MCMBP: variants seen among roughly 807,000 people sequenced by gnomAD.
The protein encoded by MCMBP is mini-chromosome maintenance complex-binding protein.
In MCMBP, 31 loss-of-function variants were observed where a neutral mutation model predicts 81.3. The ratio of observed to expected loss-of-function variants is 0.38; its 90% CI spans 0.29 to 0.51. The LOEUF is 0.51. MCMBP is among the 20% of genes least tolerant of loss of function. MCMBP has a pLI of 0.87. For missense variants in MCMBP, 645 were observed against 772.1 expected (o/e 0.84, Z 1.95); for synonymous variants, 267 against 275.9 (o/e 0.97, Z 0.32).
At chr10:119,859,259 TC>T in intron 2 of MCMBP, 78 bp from the exon 3 acceptor site, 1 of 1,337,528 alleles carries the variant, frequency 7.5e-7, no homozygotes, top group Non-Finnish European at 1.0e-6. Flanking sequence ...AAACTTTATA[TC>T]CAGACTCAAA....
At chr10:119,858,852 A>C in intron 4 of MCMBP, 32 bp downstream of exon 4, 1 of 1,497,534 alleles carries the variant, frequency 6.7e-7, no homozygotes, top group Non-Finnish European at 9.1e-7. Context: ...AATTCTTACT[A>C]AAAATGTTTC....
chr10:119,847,834 A>G lies in MCMBP; in HGVS notation c.727-121T>C, dbSNP rs1852671070. 5.9e-5 allele frequency: 29 copies of G among 492,568 alleles called. 1 individual carries two copies. The South Asian group carries it at 1.1e-3, about 18-fold the overall frequency. The allele number at this position is 492,568 out of a possible 1,614,324, so 30.5% of individuals were successfully genotyped here. ...AAACAGACCTTAAAGCAAGTCCTTTATTTTATAAATTTTTATAAATTGAGA... is the reference window on the plus strand; with the variant it reads ...AAACAGACCTTAAAGCAAGTCCTTTGTTTTATAAATTTTTATAAATTGAGA... On this transcript the variant is annotated intron_variant, in intron 7 of 15. Transcript: ENST00000369077.
At chr10:119,838,192 A>G (rs1852313266) in intron 12 of MCMBP, among the ~76,000 whole-genome samples, 1 of 150,042 alleles carries the variant, frequency 6.7e-6, no homozygotes, top group Non-Finnish European at 1.5e-5. Flanking sequence ...TTATACTAAT[A>G]CTACCCTTTA....
intron 9 of MCMBP, 152 bp from the exon 10 acceptor site, chr10:119,842,747 A>AT (rs1682478418): frequency 1.2e-6 from 1 of 840,654 alleles, no homozygotes; most frequent in African/African-American, 1.7e-5. Flanking sequence ...AATCTTAAAA[A>AT]TAAGGCAGTT....
rs1341070179 is a variant in MCMBP at position 119,835,653 on chromosome 10, C to T, written c.1594G>A (p.Glu532Lys). 1 of 1,614,216 alleles carries T rather than the reference C, an allele frequency of 6.2e-7. No individual in the cohort carries two copies. Among genetic ancestry groups the T allele is most frequent in the South Asian group, 1.1e-5 (1 of 91,090 alleles). The change falls in exon 14 of 16, where the codon GAG (glutamate) becomes AAG (lysine). Residue 532 changes from glutamate (E) to lysine (K), a missense_variant. By Grantham distance (56) the Glu-to-Lys change is moderately conservative. Coordinates refer to ENST00000369077, the MANE Select transcript of MCMBP (RefSeq NM_001256378.2). ...QPQLIPPNMEEYMNSLLSAVL... is the reference protein window; with the variant it reads ...QPQLIPPNMEKYMNSLLSAVL... ...GCTGAGAGAAGGCTGTTCATGTACT[C>T]CTCCATGTTTGGTGGAATTAGCTGG...
intron 1 of MCMBP, among the ~76,000 whole-genome samples, chr10:119,865,545 A>G (rs1387826710): frequency 6.6e-6 from 1 of 152,136 alleles, no homozygotes; most frequent in East Asian, 1.9e-4. Flanking sequence ...CCACTGTGGA[A>G]AAGTTTGGCA....
chr10:119,837,310 G>A (rs779281145), intron 12 of MCMBP, among the ~76,000 whole-genome samples: 22 of 152,088 alleles, frequency 1.4e-4, no homozygotes, highest in Non-Finnish European at 2.8e-4. Flanking sequence ...TTATTTCTAA[G>A]TGGTGTATTT....
At chr10:119,838,725 A>G in intron 11 of MCMBP, 25 bp from the exon 12 acceptor site, 1 of 1,576,982 alleles carries the variant, frequency 6.3e-7, no homozygotes, top group Non-Finnish European at 8.7e-7. Flanking sequence ...TTTTTAGTGA[A>G]CAAGAATTTA....
In MCMBP at chr10:119,842,565, G is replaced by A. The variant is rs918686249; in HGVS notation, c.1031C>T (p.Pro344Leu). The A allele has an allele frequency of 6.2e-7, 1 of 1,613,570 alleles. No homozygotes were observed. Among genetic ancestry groups the A allele is most frequent in the Non-Finnish European group, 8.5e-7 (1 of 1,179,812 alleles). ...FVSSFMSELS[P>L]VRAELLGFLT... ...GAACCCAAGAAGTTCTGCTCTGACT[G>A]GAGACAATTCGGACATGAAACTTGA... is the stretch of plus-strand genomic sequence containing the variant. The change falls in exon 10 of 16, where the codon CCA (proline) becomes CTA (leucine). Residue 344 changes from proline (P) to leucine (L), a missense_variant. Physicochemically the swap from Pro to Leu is moderately conservative, Grantham distance 98. Coordinates refer to ENST00000369077, the MANE Select transcript of MCMBP (RefSeq NM_001256378.2).
At chr10:119,854,484 C>T (rs188810084) in intron 5 of MCMBP, among the ~76,000 whole-genome samples, 145 of 150,830 alleles carry the variant, frequency 9.6e-4, no homozygotes, top group African/African-American at 3.3e-3. Flanking sequence ...GGGTAGATCA[C>T]TTGAGCTCAG....
intron 11 of MCMBP, 55 bp from the exon 12 acceptor site, chr10:119,838,755 A>C (rs1852337362): frequency 6.8e-7 from 1 of 1,465,846 alleles, no homozygotes; most frequent in African/African-American, 1.4e-5. Flanking sequence ...GTTTTAAGAA[A>C]ATATGTACTT....
chr10:119,863,681 A>T (rs1188131578), intron 1 of MCMBP, among the ~76,000 whole-genome samples: 1 of 130,272 alleles, frequency 7.7e-6, no homozygotes, highest in East Asian at 2.6e-4. Context: ...GTGAGCTGAG[A>T]TCGCACCACT....
chr10:119,831,567 C>T lies in MCMBP; in HGVS notation c.1830G>A (p.Leu610=). The T allele has an allele frequency of 6.2e-7, 1 of 1,614,024 alleles. No individual in the cohort carries two copies. The highest frequency in any genetic ancestry group is 8.5e-7 in the Non-Finnish European group (1 of 1,179,936). The change falls in exon 16 of 16, where the codon CTG becomes CTA. Residue 610 remains leucine, a synonymous_variant. Transcript: ENST00000369077. ...CLSLSAGQTT[L]SRERWLRAKQ... Reference sequence around the variant, plus strand: ...TTGCTCTCAGCCATCGTTCTCTTGACAGCGTTGTCTGACCAGCACTGAGAG... The same window carrying T: ...TTGCTCTCAGCCATCGTTCTCTTGATAGCGTTGTCTGACCAGCACTGAGAG...
chr10:119,861,944 T>C (rs1564885693), intron 1 of MCMBP, among the ~76,000 whole-genome samples: 1 of 152,018 alleles, frequency 6.6e-6, no homozygotes, highest in Non-Finnish European at 1.5e-5. Context: ...GGTCTCCCTA[T>C]GTTGTCCAGG....
chr10:119,860,588 G>A (rs1459330114), intron 1 of MCMBP, among the ~76,000 whole-genome samples: 1 of 151,992 alleles, frequency 6.6e-6, no homozygotes, highest in African/African-American at 2.4e-5. Context: ...CCCCTCTATA[G>A]CACTTTTTTC....
intron 1 of MCMBP, among the ~76,000 whole-genome samples, chr10:119,868,621 G>C (rs1241632936): frequency 6.6e-6 from 1 of 152,100 alleles, no homozygotes; most frequent in Non-Finnish European, 1.5e-5. Flanking sequence ...TGAATTCGCG[G>C]GGTCAAAATC....
intron 1 of MCMBP, among the ~76,000 whole-genome samples, chr10:119,861,898 G>A (rs762635952): frequency 1.3e-5 from 2 of 152,074 alleles, no homozygotes; most frequent in Non-Finnish European, 2.9e-5. Flanking sequence ...GGGCCACCAC[G>A]CCTGGCTAAT....
chr10:119,842,110 A>T (rs553309562), intron 10 of MCMBP, among the ~76,000 whole-genome samples: 1 of 152,268 alleles, frequency 6.6e-6, no homozygotes, highest in East Asian at 1.9e-4. Context: ...TGTGTTCCCT[A>T]TGAGAATCTA....
intron 5 of MCMBP, among the ~76,000 whole-genome samples, chr10:119,854,039 C>T (rs68153532): frequency 0.16 from 24,741 of 150,640 alleles, 2,206 homozygotes; most frequent in South Asian, 0.44. Context: ...TCTCTTTTTT[C>T]CTTTTCTTTT....
Sources: gnomAD v4.1 joint callset for allele counts (sites outside exome capture counted in the v4.1 genomes callset) on GRCh38, gnomAD v4.1.1 for gene constraint, MANE v1.5 for transcripts, NCBI Gene and HGNC (gene_info 2026-07-23, HGNC 2026-07-21) for gene names.